Variants in CACNA1C observed in about 807,000 individuals in gnomAD.
CACNA1C encodes the protein calcium voltage-gated channel subunit alpha1 C.
In CACNA1C, 30 loss-of-function variants were observed where a neutral mutation model predicts 229.0. The ratio of observed to expected loss-of-function variants is 0.13; its 90% CI spans 0.10 to 0.18. The LOEUF (loss-of-function observed/expected upper bound fraction) is 0.18, where lower values mean the gene tolerates loss of function less well. Among genes scored for constraint, CACNA1C ranks in the 10% least tolerant of loss-of-function variants. The probability of loss-of-function intolerance (pLI) is 1.00; values close to 1 mark genes in which losing one functional copy is unlikely to be tolerated. For missense variants in CACNA1C, 1,658 were observed against 2,845.0 expected (o/e 0.58, Z 9.49); for synonymous variants, 1,114 against 1,132.5 (o/e 0.98, Z 0.33).
At chr12:2,604,185 G>A (rs1003114886) in intron 22 of CACNA1C, among the ~76,000 whole-genome samples, 2 of 152,196 alleles carry the variant, frequency 1.3e-5, no homozygotes, top group Non-Finnish European at 2.9e-5. Flanking sequence ...TGAGGAAACG[G>A]GGTTCTGGGT....
chr12:2,453,603 C>T (rs919419416), intron 4 of CACNA1C, among the ~76,000 whole-genome samples: 1 of 152,168 alleles, frequency 6.6e-6, no homozygotes, highest in African/African-American at 2.4e-5. Flanking sequence ...AGTCATCCCT[C>T]ATCACCCGGA....
intron 1 of CACNA1C, among the ~76,000 whole-genome samples, chr12:2,104,103 A>G (rs1308020818): frequency 6.6e-6 from 1 of 152,164 alleles, no homozygotes; most frequent in African/African-American, 2.4e-5. Flanking sequence ...GTTTTTTCCA[A>G]TTCTGTGAGG....
chr12:2,460,677 C>T (rs2099494737), intron 5 of CACNA1C, among the ~76,000 whole-genome samples: 1 of 152,142 alleles, frequency 6.6e-6, no homozygotes, highest in Non-Finnish European at 1.5e-5. Flanking sequence ...AAATGCAAGG[C>T]CCTCATGTTA....
At chr12:2,386,240 A>G (rs1294199577) in intron 3 of CACNA1C, among the ~76,000 whole-genome samples, 4 of 152,122 alleles carry the variant, frequency 2.6e-5, no homozygotes, top group African/African-American at 9.7e-5. Flanking sequence ...CTGCCCCCCA[A>G]CAAGTCATTA....
At chr12:1,993,537 CCACTGG>C (rs1422958179) in intron 1 of CACNA1C, 1 of 924,238 alleles carries the variant, frequency 1.1e-6, no homozygotes, top group Non-Finnish European at 1.6e-6. Context: ...TACTTCTTCA[CCACTGG>C]CATCATTATG....
intron 5 of CACNA1C, among the ~76,000 whole-genome samples, chr12:2,461,440 T>C (rs1226429156): frequency 1.3e-5 from 2 of 152,130 alleles, no homozygotes; most frequent in Non-Finnish European, 2.9e-5. Flanking sequence ...CTGAGACCTC[T>C]CCTCTGTCTG....
chr12:2,568,609 C>T (rs1021509979), intron 13 of CACNA1C, among the ~76,000 whole-genome samples: 2 of 152,210 alleles, frequency 1.3e-5, no homozygotes, highest in Non-Finnish European at 2.9e-5. Context: ...AATCCTGACA[C>T]ATGCTACAAA....
At chr12:2,536,531 A>G (rs1202229995) in intron 9 of CACNA1C, among the ~76,000 whole-genome samples, 3 of 152,182 alleles carry the variant, frequency 2.0e-5, no homozygotes, top group Non-Finnish European at 2.9e-5. Flanking sequence ...ATTCTCACCT[A>G]TACAATGAAG....
At chr12:2,218,126 C>T (rs1206906163) in intron 3 of CACNA1C, among the ~76,000 whole-genome samples, 1 of 152,190 alleles carries the variant, frequency 6.6e-6, no homozygotes, top group Non-Finnish European at 1.5e-5. Flanking sequence ...ACAAAGTGAA[C>T]ACATTGGGTT....
chr12:2,444,125 G>C (rs1320478231), intron 3 of CACNA1C, among the ~76,000 whole-genome samples: 1 of 152,092 alleles, frequency 6.6e-6, no homozygotes, highest in East Asian at 1.9e-4. Context: ...CATGAGGATT[G>C]TGAAACCAGC....
intron 3 of CACNA1C, among the ~76,000 whole-genome samples, chr12:2,296,130 G>T (rs1312301737): frequency 6.6e-6 from 1 of 152,238 alleles, no homozygotes; most frequent in African/African-American, 2.4e-5. Flanking sequence ...TGCAAAGGGA[G>T]TGGGGAGCAG....
chr12:2,603,445 T>A (rs896919490), intron 22 of CACNA1C: 1 of 152,260 alleles, frequency 6.6e-6, no homozygotes, highest in East Asian at 1.9e-4. Context: ...TCATTCATTG[T>A]TTAGGTCCCA....
intron 10 of CACNA1C, among the ~76,000 whole-genome samples, chr12:2,551,804 G>T (rs546821007): frequency 6.6e-6 from 1 of 152,284 alleles, no homozygotes; most frequent in East Asian, 1.9e-4. Flanking sequence ...GGGCAGGCGG[G>T]TGCAGGTAAT....
chr12:2,068,339 T>A (rs2060125709), intron 1 of CACNA1C, among the ~76,000 whole-genome samples: 1 of 152,104 alleles, frequency 6.6e-6, no homozygotes, highest in Non-Finnish European at 1.5e-5. Context: ...GGGAGGGGTC[T>A]GGTGTGGGGG....
chr12:2,295,560 A>G (rs2093960567), intron 3 of CACNA1C, among the ~76,000 whole-genome samples: 1 of 152,194 alleles, frequency 6.6e-6, no homozygotes, highest in South Asian at 2.1e-4. Context: ...GTGAATGTGT[A>G]TTGATATCAA....
At chr12:2,021,842 G>GT (rs907541934) in intron 1 of CACNA1C, among the ~76,000 whole-genome samples, 1 of 152,280 alleles carries the variant, frequency 6.6e-6, no homozygotes, top group African/African-American at 2.4e-5. Flanking sequence ...ACTCATGAGA[G>GT]TAAAGCCTTT....
intron 9 of CACNA1C, among the ~76,000 whole-genome samples, chr12:2,536,479 C>G (rs976251060): frequency 1.2e-4 from 19 of 152,168 alleles, no homozygotes; most frequent in African/African-American, 4.6e-4. Flanking sequence ...CTATCTGCCT[C>G]TGCGACTCTG....
intron 3 of CACNA1C, among the ~76,000 whole-genome samples, chr12:2,368,917 G>A (rs760321335): frequency 2.6e-5 from 4 of 152,206 alleles, no homozygotes; most frequent in African/African-American, 9.7e-5. Context: ...CATTCCTACA[G>A]ATGAACAGAA....
intron 3 of CACNA1C, among the ~76,000 whole-genome samples, chr12:2,262,582 G>C (rs1050020013): frequency 3.9e-5 from 6 of 152,188 alleles, no homozygotes; most frequent in Admixed American, 2.6e-4. Flanking sequence ...CCTGCACCAA[G>C]AGCTGTGGGC....
Sources: allele counts gnomAD v4.1 joint callset (sites outside exome capture counted in the v4.1 genomes callset), GRCh38; gene constraint gnomAD v4.1.1; transcripts MANE v1.5; gene names NCBI Gene and HGNC (gene_info 2026-07-23, HGNC 2026-07-21).